The following DUS1L variants were observed in gnomAD, a reference collection of about 807,000 sequenced individuals.
DUS1L encodes the protein tRNA-dihydrouridine(16/17) synthase [NAD(P)(+)]-like.
DUS1L carries 56 observed loss-of-function variants against 61.2 expected under a neutral mutation model. The ratio of observed to expected loss-of-function variants is 0.92; its 90% CI spans 0.74 to 1.14. DUS1L has a LOEUF of 1.14. Among genes scored for constraint, DUS1L ranks in the 50% most tolerant of loss-of-function variants. The probability of loss-of-function intolerance (pLI) is 0.00; values close to 1 mark genes in which losing one functional copy is unlikely to be tolerated. For missense variants in DUS1L, 630 were observed against 632.4 expected, an observed-to-expected ratio of 1.00 and a Z score of 0.04; for synonymous variants, 278 against 259.5, an observed-to-expected ratio of 1.07 and a Z score of -0.69.
In DUS1L at chr17:82,062,635, C is replaced by G. The variant is rs2144739393; in HGVS notation, c.510+226G>C. Among the ~76,000 whole-genome samples, 4 of 152,374 alleles carry G rather than the reference C, an allele frequency of 2.6e-5. No individual in the cohort carries two copies. The South Asian group carries it at 8.3e-4, about 32-fold the overall frequency. ...ATATGTCAGAGATGCCGACATTACT[C>G]TCTCCACAGGGACAAAACCCTGGAG... On this transcript the variant is annotated intron_variant, in intron 5 of 13. Coordinates refer to ENST00000306796, the MANE Select transcript of DUS1L (RefSeq NM_022156.5).
intron 12 of DUS1L, 150 bp downstream of exon 12, chr17:82,058,631 A>AG: frequency 1.3e-6 from 2 of 1,507,058 alleles, no homozygotes; most frequent in Middle Eastern, 2.4e-4. Context: ...GCTGGAAGCA[A>AG]GGGGCCGTCC....
intron 11 of DUS1L, 40 bp from the exon 12 acceptor site, chr17:82,058,858 G>A: frequency 1.9e-6 from 3 of 1,579,076 alleles, no homozygotes; most frequent in Non-Finnish European, 2.6e-6. Context: ...GTGAGGGCCA[G>A]GGTGCCCTGG....
chr17:82,061,742 G>A, intron 6 of DUS1L, 21 bp from the exon 7 acceptor site: 1 of 1,611,514 alleles, frequency 6.2e-7, no homozygotes. Context: ...AGAAATGCCT[G>A]TTTCCACCCG....
Position 82,063,278 on chromosome 17 carries a change from G to A in DUS1L, c.397+190C>T, listed in dbSNP as rs542847713. Reference sequence around the variant, plus strand: ...TACTGTCTGGTTTTAAGGGGTGGGTGGTGCAGGACAGGCAACTTCACAGCC... The same window carrying A: ...TACTGTCTGGTTTTAAGGGGTGGGTAGTGCAGGACAGGCAACTTCACAGCC... On this transcript the variant is annotated intron_variant, in intron 4 of 13. Coordinates refer to ENST00000306796, the MANE Select transcript of DUS1L (RefSeq NM_022156.5). The A allele has an allele frequency of 3.8e-4, 281 of 749,064 alleles. No individual in the cohort carries two copies. In the African/African-American group the frequency reaches 4.2e-3, roughly 11 times the overall value. 46.4% of individuals were successfully genotyped at this position (749,064 alleles called of 1,614,324 possible).
At chr17:82,061,129 G>T (rs1282678855) in intron 8 of DUS1L, 80 bp downstream of exon 8, 8 of 1,554,838 alleles carry the variant, frequency 5.1e-6, no homozygotes, top group Non-Finnish European at 7.0e-6. Context: ...GACAAAACCT[G>T]CAAAATGCCC....
At chr17:82,060,334 G>T (rs936426875) in intron 10 of DUS1L, 6 of 608,026 alleles carry the variant, frequency 9.9e-6, no homozygotes, top group African/African-American at 9.2e-5. Flanking sequence ...CTCCAGGGAG[G>T]GCTGTGGCCA....
Position 82,059,954 on chromosome 17 carries a change from G to A in DUS1L, c.1162C>T (p.Leu388=), listed in dbSNP as rs762406276. 4 of 1,614,002 alleles carry A rather than the reference G, an allele frequency of 2.5e-6. No homozygotes were observed. The East Asian group carries it at 6.7e-5, about 27-fold the overall frequency. ...RNPHKTFDPS[L]KPKYAKCDQC... ...CAGCGGAAGCAGCACTTACGCTTCA[G>A]AGAGGGGTCGAAGGTCTTGTGGGGG... The change falls in exon 11 of 14, where the codon CTG becomes TTG. Residue 388 remains leucine, a synonymous_variant. Transcript: ENST00000306796.
At position 82,061,757 on chromosome 17, in the gene DUS1L, G is replaced by C. The variant is rs1473512123; in HGVS notation, c.594-36C>G. On this transcript the variant is annotated intron_variant, in intron 6 of 13. Transcript: ENST00000306796. ...AGAAATGCCTGTTTCCACCCGCCCG[G>C]AACAGCACCCAGGTGATGCTGCCCC... is the stretch of plus-strand genomic sequence containing the variant. 3.1e-6 allele frequency: 5 copies of C among 1,608,770 alleles called. No individual in the cohort carries two copies. In the South Asian group the frequency reaches 5.5e-5, roughly 18 times the overall value.
rs369052721 is a variant in DUS1L at position 82,060,298 on chromosome 17, G to A, written c.1023-205C>T. On this transcript the variant is annotated intron_variant, in intron 10 of 13. Coordinates refer to ENST00000306796, the MANE Select transcript of DUS1L (RefSeq NM_022156.5). Reference sequence around the variant, plus strand: ...CCTCTGAGATGGAGTCCGCAGCTCGGGCAGCCCCAAGCTCTGAACCACCAG... The same window carrying A: ...CCTCTGAGATGGAGTCCGCAGCTCGAGCAGCCCCAAGCTCTGAACCACCAG... The A allele has an allele frequency of 3.8e-4, 254 of 670,570 alleles. 1 individual carries two copies. The African/African-American group carries it at 4.0e-3, about 11-fold the overall frequency. 41.5% of individuals were successfully genotyped at this position (670,570 alleles called of 1,614,324 possible).
At chr17:82,062,076 ACCCCTCCGAGCCCCCTCTG>A in intron 5 of DUS1L, 93 bp from the exon 6 acceptor site, 3 of 955,188 alleles carry the variant, frequency 3.1e-6, no homozygotes, top group African/African-American at 3.6e-5. Flanking sequence ...CCCCTACTCC[ACCCCTCCGAGCCCCCTCTG>A]CCCCTCCCAG....
rs1290058989 is a variant in DUS1L at position 82,058,891 on chromosome 17, C to G, written c.1169-73G>C. 17 of 1,375,518 alleles carry G rather than the reference C, an allele frequency of 1.2e-5. No individual in the cohort carries two copies. In the East Asian group the frequency reaches 3.7e-4, roughly 30 times the overall value. 85.2% of individuals were successfully genotyped at this position (1,375,518 alleles called of 1,614,324 possible). On this transcript the variant is annotated intron_variant, in intron 11 of 13. Transcript: ENST00000306796. ...TGGCTGTGGGGGCTGCCCCGTCCGC[C>G]TGCACGGAGCCTGCTGATGGCGTCC...
chr17:82,060,130 G>GT (rs2033406992), intron 10 of DUS1L, 37 bp from the exon 11 acceptor site: 1 of 1,598,862 alleles, frequency 6.3e-7, no homozygotes, highest in East Asian at 2.2e-5. Flanking sequence ...CAAGGACACT[G>GT]TGAGAGGGGC....
rs994149017 is a variant in DUS1L, at chr17:82,058,434, C to T, written c.1207-18G>A. ...CTGTTGCCCTGGGCACAGGAAATCT[C>T]GGGAGCCTGTGGCCAGCACCACTCC... On this transcript the variant is annotated intron_variant, in intron 12 of 13. Transcript: ENST00000306796. 44 of 1,479,754 alleles carry T rather than the reference C, an allele frequency of 3.0e-5. No homozygotes were observed. Among genetic ancestry groups the T allele is most frequent in the Middle Eastern group, 1.9e-4 (1 of 5,174 alleles). 91.7% of individuals were successfully genotyped at this position (1,479,754 alleles called of 1,614,324 possible). A position where few individuals can be genotyped will look rare whatever the true frequency, so the allele number is the denominator to read the frequency against.
chr17:82,058,850 G>T, intron 11 of DUS1L, 32 bp from the exon 12 acceptor site: 4 of 1,593,158 alleles, frequency 2.5e-6, no homozygotes, highest in Non-Finnish European at 3.4e-6. Context: ...GCTGGTGAGT[G>T]AGGGCCAGGG....
At chr17:82,059,589 G>T in intron 11 of DUS1L, 1 of 266,902 alleles carries the variant, frequency 3.7e-6, no homozygotes, top group Non-Finnish European at 7.1e-6. Context: ...ACACACTCCC[G>T]GGGACCCCAG....
intron 11 of DUS1L, chr17:82,059,149 G>C (rs999606092): frequency 2.9e-6 from 1 of 344,890 alleles, no homozygotes; most frequent in Non-Finnish European, 5.5e-6. Context: ...AGGGTCCAAG[G>C]GGGGTTCCAT....
At position 82,061,096 on chromosome 17, in the gene DUS1L, C is replaced by T. The variant is rs867313731; in HGVS notation, c.842+113G>A. 1.1e-5 allele frequency: 17 copies of T among 1,541,952 alleles called. No homozygotes were observed. In the African/African-American group the frequency reaches 1.9e-4, roughly 17 times the overall value. Reference sequence around the variant, plus strand: ...CTAAGTCACCCCAGCCCCTCAAGACCTGACTTAGCAGCAAGTTGTTTTGAC... The same window carrying T: ...CTAAGTCACCCCAGCCCCTCAAGACTTGACTTAGCAGCAAGTTGTTTTGAC... On this transcript the variant is annotated intron_variant, in intron 8 of 13. Transcript: ENST00000306796.
chr17:82,058,381 G>A lies in DUS1L; in HGVS notation c.1242C>T (p.Cys414=). 1.3e-6 allele frequency: 2 copies of A among 1,489,606 alleles called. No homozygotes were observed. The highest frequency in any genetic ancestry group is 2.8e-5 in the South Asian group (2 of 71,564). 92.3% of individuals were successfully genotyped at this position (1,489,606 alleles called of 1,614,324 possible). ...NRCVFSLCRG[C]CKKRASKETA... is the part of the protein sequence containing the mutation. The stretch of plus-strand genomic sequence containing the variant: ...TCTCTTTGGAGGCTCGCTTCTTGCA[G>A]CAGCCGCGGCACAGGCTGAACACAC... The change falls in exon 13 of 14, where the codon TGC becomes TGT. Residue 414 remains cysteine, a synonymous_variant. Coordinates refer to ENST00000306796, the MANE Select transcript of DUS1L (RefSeq NM_022156.5).
At chr17:82,062,800 T>C in intron 5 of DUS1L, 61 bp downstream of exon 5, 1 of 1,423,948 alleles carries the variant, frequency 7.0e-7, no homozygotes, top group Non-Finnish European at 9.8e-7. Context: ...GAGCCTCAGC[T>C]ATGTCCTCTG....
Sources: allele counts gnomAD v4.1 joint callset (sites outside exome capture counted in the v4.1 genomes callset), GRCh38; gene constraint gnomAD v4.1.1; transcripts MANE v1.5; gene names NCBI Gene and HGNC (gene_info 2026-07-23, HGNC 2026-07-21).